Variants in RPS6KA5 observed in about 807,000 individuals in gnomAD.
The protein encoded by RPS6KA5 is ribosomal protein S6 kinase alpha-5.
RPS6KA5 carries 27 observed loss-of-function variants against 85.5 expected under a neutral mutation model. The ratio of observed to expected loss-of-function variants is 0.32; its 90% confidence interval spans 0.23 to 0.44. The LOEUF (loss-of-function observed/expected upper bound fraction) is 0.44, where lower values mean the gene tolerates loss of function less well. Ranked by LOEUF, RPS6KA5 falls within the 20% of genes least tolerant of loss-of-function variation. The pLI, the probability that RPS6KA5 is intolerant of heterozygous loss-of-function variation, is 1.00. For synonymous variants in RPS6KA5, 334 were observed against 348.2 expected (o/e 0.96, Z 0.46); for missense variants, 811 against 980.9 (o/e 0.83, Z 2.31).
At chr14:90,896,473 G>A (rs183882842) in intron 12 of RPS6KA5, among the ~76,000 whole-genome samples, 1 of 152,268 alleles carries the variant, frequency 6.6e-6, no homozygotes, top group East Asian at 1.9e-4. Flanking sequence ...TGTTACCTTA[G>A]AAGGATGGCA....
rs2032409790 is a variant in RPS6KA5 at position 90,858,937 on chromosome 14, A to G, written c.*13137T>C. 1 of 152,214 alleles carries G rather than the reference A, an allele frequency of 6.6e-6. No homozygotes were observed. The highest frequency in any genetic ancestry group is 2.4e-5 in the African/African-American group (1 of 41,454). The allele number at this position is 152,214 out of a possible 1,614,324, so 9.4% of individuals were successfully genotyped here. On this transcript the variant is annotated 3_prime_UTR_variant, in exon 17 of 17. Transcript: ENST00000614987. Reference sequence around the variant, plus strand: ...GGAAGTGAGCCTGAAATACTGGTACAGTATCTCCTTGAGGTGTCTGCCAAT... The same window carrying G: ...GGAAGTGAGCCTGAAATACTGGTACGGTATCTCCTTGAGGTGTCTGCCAAT...
At chr14:91,010,143 T>C (rs1285111251) in intron 1 of RPS6KA5, among the ~76,000 whole-genome samples, 1 of 152,130 alleles carries the variant, frequency 6.6e-6, no homozygotes, top group Non-Finnish European at 1.5e-5. Flanking sequence ...TTTTACTAAA[T>C]TTTTGAAAGT....
chr14:90,998,049 T>C (rs1389026544), intron 2 of RPS6KA5, among the ~76,000 whole-genome samples: 4 of 148,882 alleles, frequency 2.7e-5, no homozygotes, highest in Non-Finnish European at 4.5e-5. Context: ...TAGTGATGTG[T>C]ACTACAATAT....
intron 1 of RPS6KA5, among the ~76,000 whole-genome samples, chr14:91,031,402 G>C (rs1375626979): frequency 6.6e-6 from 1 of 152,104 alleles, no homozygotes; most frequent in African/African-American, 2.4e-5. Context: ...TAAAAAAGAG[G>C]ACAGCCATTG....
chr14:91,014,251 A>G (rs975213549), intron 1 of RPS6KA5, among the ~76,000 whole-genome samples: 1 of 152,124 alleles, frequency 6.6e-6, no homozygotes, highest in Admixed American at 6.5e-5. Context: ...GCCTGTAATC[A>G]CAGCACTTTG....
intron 3 of RPS6KA5, among the ~76,000 whole-genome samples, chr14:90,963,684 C>A (rs1159324889): frequency 1.3e-5 from 2 of 152,198 alleles, no homozygotes; most frequent in Non-Finnish European, 2.9e-5. Flanking sequence ...ATACGACACA[C>A]TTTACATAGA....
In RPS6KA5 at chr14:90,848,032, A is replaced by T. The variant is rs1003299463; in HGVS notation, c.*24042T>A. ...TGAAAACATCACATTTCTACAATAC[A>T]TCTGCTTTTTTGATTCATGTGTGTT... On this transcript the variant is annotated 3_prime_UTR_variant, in exon 17 of 17. Coordinates refer to ENST00000614987, the MANE Select transcript of RPS6KA5 (RefSeq NM_004755.4). 1.3e-5 allele frequency: 2 copies of T among 152,190 alleles called. No individual in the cohort carries two copies. The highest frequency in any genetic ancestry group is 2.9e-5 in the Non-Finnish European group (2 of 68,038). 9.4% of individuals were successfully genotyped at this position (152,190 alleles called of 1,614,324 possible).
At chr14:90,932,089 G>A (rs1452091625) in intron 5 of RPS6KA5, among the ~76,000 whole-genome samples, 2 of 152,060 alleles carry the variant, frequency 1.3e-5, no homozygotes, top group African/African-American at 4.8e-5. Flanking sequence ...ATATAATCAG[G>A]TTGGCCGATT....
intron 13 of RPS6KA5, 97 bp from the exon 14 acceptor site, chr14:90,890,775 C>G (rs2140194609): frequency 8.7e-7 from 1 of 1,144,442 alleles, no homozygotes; most frequent in Non-Finnish European, 1.3e-6. Flanking sequence ...ATAGTTGATT[C>G]ATGTGCAGAG....
chr14:90,880,183 T>C (rs1057051394), intron 14 of RPS6KA5, among the ~76,000 whole-genome samples: 35 of 152,224 alleles, frequency 2.3e-4, no homozygotes, highest in African/African-American at 7.2e-4. Context: ...TTCGATGGTA[T>C]TAAATATCTT....
intron 3 of RPS6KA5, among the ~76,000 whole-genome samples, chr14:90,971,492 T>C (rs1310533283): frequency 6.6e-6 from 1 of 152,188 alleles, no homozygotes; most frequent in Admixed American, 6.5e-5. Context: ...AGAAGGCAAC[T>C]ACCAGTAAAT....
intron 1 of RPS6KA5, among the ~76,000 whole-genome samples, chr14:91,016,239 A>AT (rs571687677): frequency 1.3e-4 from 19 of 150,348 alleles, no homozygotes; most frequent in Admixed American, 2.0e-4. Flanking sequence ...TGGTAAACTA[A>AT]TTTTTTTTTT....
chr14:91,036,550 G>C (rs552150760), intron 1 of RPS6KA5, among the ~76,000 whole-genome samples: 1 of 152,292 alleles, frequency 6.6e-6, no homozygotes, highest in African/African-American at 2.4e-5. Flanking sequence ...CCCCAAAGCA[G>C]CACATCAGAA....
In RPS6KA5 at chr14:90,894,434, C is replaced by T. The variant is rs751017200; in HGVS notation, c.1623G>A (p.Val541=). The change falls in exon 13 of 17, where the codon GTG becomes GTA. Residue 541 remains valine (V), a synonymous_variant. Transcript: ENST00000614987. ...AVSHMHDVGV[V]HRDLKPENLL... ...ATACCTCAGGTTTCAGATCCCTGTGCACCACTCCAACATCATGCATGTGGC... is the reference window on the plus strand; with the variant it reads ...ATACCTCAGGTTTCAGATCCCTGTGTACCACTCCAACATCATGCATGTGGC... 6.8e-6 allele frequency: 11 copies of T among 1,614,096 alleles called. No individual in the cohort carries two copies. Among genetic ancestry groups the T allele is most frequent in the Non-Finnish European group, 9.3e-6 (11 of 1,179,984 alleles).
At chr14:91,007,709 G>GT (rs58235790) in intron 1 of RPS6KA5, among the ~76,000 whole-genome samples, 71,734 of 147,350 alleles carry the variant, frequency 0.49, 17,476 homozygotes, top group East Asian at 0.56. Flanking sequence ...TTACTATTTT[G>GT]TTTTTTTTTT....
At chr14:91,044,592 G>T (rs2042788858) in intron 1 of RPS6KA5, among the ~76,000 whole-genome samples, 1 of 152,152 alleles carries the variant, frequency 6.6e-6, no homozygotes, top group South Asian at 2.1e-4. Context: ...TGAAGACCCA[G>T]GCTGGGTGCG....
intron 7 of RPS6KA5, among the ~76,000 whole-genome samples, chr14:90,913,532 G>T (rs1281274776): frequency 6.6e-6 from 1 of 152,174 alleles, no homozygotes. Flanking sequence ...CACCGCTCTT[G>T]TACAGTTAGA....
chr14:91,002,278 A>G (rs76219556), intron 1 of RPS6KA5, among the ~76,000 whole-genome samples: 2,597 of 152,266 alleles, frequency 0.017, 59 homozygotes, highest in African/African-American at 0.06. Context: ...AAATAAATAT[A>G]GCTATGAACA....
chr14:90,930,925 T>G (rs2036938580), intron 5 of RPS6KA5, among the ~76,000 whole-genome samples: 1 of 152,194 alleles, frequency 6.6e-6, no homozygotes, highest in Non-Finnish European at 1.5e-5. Context: ...CTGGAACTTT[T>G]TAGCACTGCT....
Sources: gnomAD v4.1 joint callset for allele counts (sites outside exome capture counted in the v4.1 genomes callset) on GRCh38, gnomAD v4.1.1 for gene constraint, MANE v1.5 for transcripts, NCBI Gene and HGNC (gene_info 2026-07-23, HGNC 2026-07-21) for gene names.